The following HBP1 variants were observed in gnomAD, a reference collection of about 807,000 sequenced individuals.
The protein encoded by HBP1 is HMG-box transcription factor 1.
In HBP1, 20 loss-of-function variants were observed where a neutral mutation model predicts 62.6. The ratio of observed to expected loss-of-function variants is 0.32; its 90% CI spans 0.22 to 0.46. HBP1 has a LOEUF of 0.46. Among genes scored for constraint, HBP1 ranks in the 20% least tolerant of loss-of-function variants. HBP1 has a pLI of 1.00. For missense variants in HBP1, 480 were observed against 611.8 expected, an observed-to-expected ratio of 0.78 and a Z score of 2.27; for synonymous variants, 232 against 206.2, an observed-to-expected ratio of 1.12 and a Z score of -1.07.
intron 9 of HBP1, among the ~76,000 whole-genome samples, chr7:107,198,300 C>A (rs1193594013): frequency 6.7e-6 from 1 of 149,308 alleles, no homozygotes; most frequent in East Asian, 2.0e-4. Context: ...ACTGCTGCCT[C>A]CTAGGTTGAA....
Position 107,171,073 on chromosome 7 carries a change from A to ATATATATTTTTTTT in HBP1, c.-16+1889_-16+1890insATATATTTTTTTTT. Among the ~76,000 whole-genome samples, 63 of 87,198 alleles carry ATATATATTTTTTTT rather than the reference A, an allele frequency of 7.2e-4. 3 individuals are homozygous for ATATATATTTTTTTT. Among genetic ancestry groups the ATATATATTTTTTTT allele is most frequent in the South Asian group, 2.2e-3 (7 of 3,174 alleles). The allele number at this position is 87,198 out of a possible 152,430, so 57.2% of individuals were successfully genotyped here. ...TATATATATATATATATATATATAT[A>ATATATATTTTTTTT]TTTTTTTTTTTTTTTGAGAGGGAGT... is the stretch of plus-strand genomic sequence containing the variant. On this transcript the variant is annotated intron_variant, in intron 1 of 10. Transcript: ENST00000222574.
At chr7:107,172,616 T>A (rs1184987103) in intron 1 of HBP1, among the ~76,000 whole-genome samples, 1 of 152,228 alleles carries the variant, frequency 6.6e-6, no homozygotes, top group Admixed American at 6.5e-5. Flanking sequence ...TCTTGATCAA[T>A]ATAGTATTTC....
rs530594539 is a variant in HBP1 at position 107,191,522 on chromosome 7, T to A, written c.1067+1205T>A. 6.8e-4 allele frequency among the ~76,000 whole-genome samples: 104 copies of A among 152,314 alleles called. No individual in the cohort carries two copies. In the Middle Eastern group the frequency reaches 0.017, roughly 25 times the overall value. ...CTAGAGAAGTAAATTCTTGTAGTCA[T>A]GCTCAAGGAGATGGTGCAAGTAAGT... On this transcript the variant is annotated intron_variant, in intron 8 of 10. Coordinates refer to ENST00000222574, the MANE Select transcript of HBP1 (RefSeq NM_012257.4).
intron 1 of HBP1, among the ~76,000 whole-genome samples, 191 bp downstream of exon 1, chr7:107,169,376 A>C (rs1215058683): frequency 7.1e-6 from 1 of 141,674 alleles, no homozygotes; most frequent in Admixed American, 7.4e-5. Context: ...CCGCGAGCTC[A>C]CCTGGGCTTC....
intron 6 of HBP1, among the ~76,000 whole-genome samples, chr7:107,188,792 T>G (rs1015552602): frequency 3.3e-5 from 5 of 152,200 alleles, no homozygotes; most frequent in Non-Finnish European, 5.9e-5. Flanking sequence ...AAAAACACTT[T>G]GATTGATTTC....
intron 6 of HBP1, 49 bp downstream of exon 6, chr7:107,186,730 C>A: frequency 2.0e-6 from 2 of 1,023,090 alleles, no homozygotes; most frequent in Non-Finnish European, 3.1e-6. Context: ...CCAAATGAAA[C>A]AAGATTTATT....
chr7:107,175,523 ACT>A (rs1796793444), intron 1 of HBP1, among the ~76,000 whole-genome samples: 1 of 152,102 alleles, frequency 6.6e-6, no homozygotes, highest in Admixed American at 6.5e-5. Context: ...ACAATTGAAG[ACT>A]CTGATCCTAG....
intron 3 of HBP1, among the ~76,000 whole-genome samples, chr7:107,183,629 C>T (rs1797217043): frequency 6.6e-6 from 1 of 151,370 alleles, no homozygotes; most frequent in Non-Finnish European, 1.5e-5. Context: ...AAAAAAAAAC[C>T]TGATTTAACT....
chr7:107,198,911 C>CAAGT (rs1798060412), intron 9 of HBP1, among the ~76,000 whole-genome samples: 1 of 152,194 alleles, frequency 6.6e-6, no homozygotes, highest in African/African-American at 2.4e-5. Context: ...AAATGTTTCG[C>CAAGT]AAGTGCCACC....
At chr7:107,199,082 T>TATC (rs577009459) in intron 9 of HBP1, among the ~76,000 whole-genome samples, 96 of 152,234 alleles carry the variant, frequency 6.3e-4, no homozygotes, top group Admixed American at 1.2e-3. Flanking sequence ...AAAAATTGGT[T>TATC]ATCATTTTAT....
At chr7:107,176,124 C>G (rs535904955) in intron 1 of HBP1, among the ~76,000 whole-genome samples, 46 of 151,804 alleles carry the variant, frequency 3.0e-4, no homozygotes, top group African/African-American at 1.1e-3. Context: ...CTCCCGGGTT[C>G]AAGCGATTCT....
intron 1 of HBP1, chr7:107,169,950 C>T (rs1217543267): frequency 3.0e-6 from 3 of 985,392 alleles, no homozygotes; most frequent in Non-Finnish European, 3.6e-6. Context: ...CCTATGCTGC[C>T]ACCGCAGGCC....
At chr7:107,184,000 TGTTA>T (rs1278236856) in intron 3 of HBP1, among the ~76,000 whole-genome samples, 1 of 152,240 alleles carries the variant, frequency 6.6e-6, no homozygotes, top group Non-Finnish European at 1.5e-5. Flanking sequence ...AAATCAATGC[TGTTA>T]GTGTTTGGAC....
rs566091100 is a variant in HBP1 at position 107,195,521 on chromosome 7, T to G, written c.1068-313T>G. On this transcript the variant is annotated intron_variant, in intron 8 of 10. Coordinates refer to ENST00000222574, the MANE Select transcript of HBP1 (RefSeq NM_012257.4). ...TAAGAATAAGTGGGTTGTGTAGGAT[T>G]TGGAGGAGTTACTTGCTATGAATAA... Among the ~76,000 whole-genome samples, 77 of 152,320 alleles carry G rather than the reference T, an allele frequency of 5.1e-4. 1 individual carries two copies. Among genetic ancestry groups the G allele is most frequent in the Admixed American group, 1.2e-3 (19 of 15,304 alleles).
At chr7:107,197,981 A>AT (rs1798007757) in intron 9 of HBP1, among the ~76,000 whole-genome samples, 2 of 152,128 alleles carry the variant, frequency 1.3e-5, no homozygotes, top group South Asian at 4.1e-4. Context: ...GTATTTAATT[A>AT]TTAAACATAT....
intron 3 of HBP1, among the ~76,000 whole-genome samples, chr7:107,183,838 G>C (rs1364189216): frequency 6.6e-6 from 1 of 152,156 alleles, no homozygotes; most frequent in African/African-American, 2.4e-5. Flanking sequence ...GTAATGCTCT[G>C]TTGTCTGGCC....
At chr7:107,180,730 A>C (rs751096018) in intron 2 of HBP1, among the ~76,000 whole-genome samples, 5 of 152,184 alleles carry the variant, frequency 3.3e-5, no homozygotes, top group Admixed American at 3.3e-4. Flanking sequence ...GAGATTATGT[A>C]CTATGGTAAT....
intron 8 of HBP1, among the ~76,000 whole-genome samples, chr7:107,194,716 C>T (rs1328683719): frequency 2.0e-5 from 3 of 152,128 alleles, no homozygotes; most frequent in Non-Finnish European, 2.9e-5. Context: ...ACCGGAATTT[C>T]TGTTTCAGGG....
Position 107,195,326 on chromosome 7 carries a change from G to A in HBP1, c.1068-508G>A, listed in dbSNP as rs113633154. ...CGTGAGCCACCAGGCCTGTCCTTAA[G>A]TTCCTTTAGCCACATTTAACAGCTT... On this transcript the variant is annotated intron_variant, in intron 8 of 10. Transcript: ENST00000222574. 6.6e-5 allele frequency among the ~76,000 whole-genome samples: 10 copies of A among 152,250 alleles called. 3 individuals are homozygous for A. The highest frequency in any genetic ancestry group is 2.4e-4 in the African/African-American group (10 of 41,570).
Sources: gnomAD v4.1 joint callset for allele counts (sites outside exome capture counted in the v4.1 genomes callset) on GRCh38, gnomAD v4.1.1 for gene constraint, MANE v1.5 for transcripts, NCBI Gene and HGNC (gene_info 2026-07-23, HGNC 2026-07-21) for gene names.